The following JAZF1 variants were observed in gnomAD, a reference collection of about 807,000 sequenced individuals.
JAZF1 encodes JAZF zinc finger 1.
In JAZF1, 8 loss-of-function variants were observed where a neutral mutation model predicts 26.4. The observed-to-expected ratio is 0.30, with a 90% CI of 0.18 to 0.55. The LOEUF (loss-of-function observed/expected upper bound fraction) is 0.55, where lower values mean the gene tolerates loss of function less well. Ranked by LOEUF, JAZF1 falls within the 20% of genes least tolerant of loss-of-function variation. The pLI is 0.94. For synonymous variants in JAZF1, 126 were observed against 122.3 expected (o/e 1.03, Z -0.20); for missense variants, 199 against 322.0 (o/e 0.62, Z 2.92).
In JAZF1 at chr7:27,853,466, C is replaced by T. The variant is rs375564875; in HGVS notation, c.386-12599G>A. On this transcript the variant is annotated intron_variant, in intron 3 of 4. Coordinates refer to ENST00000283928, the MANE Select transcript of JAZF1 (RefSeq NM_175061.4). ...CTGAGTGAGCGTGTGGGTGGCCCTG[C>T]GACGGGAGGGTGTCCTGTCCAGAGT... Among the ~76,000 whole-genome samples, 19 of 152,216 alleles carry T rather than the reference C, an allele frequency of 1.2e-4. No individual in the cohort carries two copies. The South Asian group carries it at 1.7e-3, about 13-fold the overall frequency.
intron 3 of JAZF1, among the ~76,000 whole-genome samples, chr7:27,870,801 C>T (rs529157321): frequency 3.3e-5 from 5 of 152,262 alleles, no homozygotes; most frequent in Non-Finnish European, 5.9e-5. Context: ...AGATGCTGCT[C>T]GGGAGGCTGC....
At chr7:28,138,655 A>G (rs1278462252) in intron 1 of JAZF1, among the ~76,000 whole-genome samples, 1 of 152,202 alleles carries the variant, frequency 6.6e-6, no homozygotes, top group African/African-American at 2.4e-5. Flanking sequence ...TCTGTGAAGA[A>G]TATTTGCCAC....
chr7:28,028,302 G>A (rs1783126750), intron 1 of JAZF1, among the ~76,000 whole-genome samples: 1 of 152,168 alleles, frequency 6.6e-6, no homozygotes, highest in Non-Finnish European at 1.5e-5. Flanking sequence ...GTTTAAGGGG[G>A]AGGATTTTGA....
intron 1 of JAZF1, among the ~76,000 whole-genome samples, chr7:28,158,186 C>CACAGAGAGAGAGAG (rs149643430): frequency 7.0e-6 from 1 of 143,346 alleles, no homozygotes; most frequent in Non-Finnish European, 1.5e-5. Flanking sequence ...CACACACACA[C>CACAGAGAGAGAGAG]AGAGAGAGAG....
At chr7:27,841,358 T>G (rs1283174920) in intron 3 of JAZF1, 1 of 152,806 alleles carries the variant, frequency 6.5e-6, no homozygotes, top group Non-Finnish European at 1.5e-5. Context: ...AAGGCATTTC[T>G]ACTTCAGTGG....
At chr7:28,135,064 G>A (rs938075188) in intron 1 of JAZF1, among the ~76,000 whole-genome samples, 3 of 152,208 alleles carry the variant, frequency 2.0e-5, no homozygotes, top group African/African-American at 7.2e-5. Context: ...TGATAACTGG[G>A]TGATTGTAGG....
intron 2 of JAZF1, among the ~76,000 whole-genome samples, chr7:27,944,907 A>G (rs1203037770): frequency 6.6e-6 from 1 of 152,094 alleles, no homozygotes; most frequent in Non-Finnish European, 1.5e-5. Flanking sequence ...CCCTTGCCTA[A>G]TTTCTATTTC....
At chr7:27,859,891 T>G (rs1290287058) in intron 3 of JAZF1, among the ~76,000 whole-genome samples, 1 of 152,126 alleles carries the variant, frequency 6.6e-6, no homozygotes, top group African/African-American at 2.4e-5. Flanking sequence ...GAATACAAAT[T>G]ATCAAATAAA....
intron 1 of JAZF1, among the ~76,000 whole-genome samples, chr7:28,151,179 C>G (rs1783107537): frequency 6.6e-6 from 1 of 151,770 alleles, no homozygotes. Flanking sequence ...TCTCAGCTCA[C>G]TGCAACCTCC....
chr7:28,149,909 T>C (rs1453977759), intron 1 of JAZF1, among the ~76,000 whole-genome samples: 1 of 152,228 alleles, frequency 6.6e-6, no homozygotes, highest in Admixed American at 6.5e-5. Flanking sequence ...GGAAAGTCCC[T>C]TCTGGCAGGA....
intron 1 of JAZF1, among the ~76,000 whole-genome samples, chr7:28,143,571 G>C (rs1246654095): frequency 6.6e-6 from 1 of 152,186 alleles, no homozygotes; most frequent in Non-Finnish European, 1.5e-5. Context: ...AGTATTCACG[G>C]AAGGAATTAA....
intron 3 of JAZF1, among the ~76,000 whole-genome samples, chr7:27,850,295 T>C (rs1358367143): frequency 6.6e-6 from 1 of 152,214 alleles, no homozygotes; most frequent in Non-Finnish European, 1.5e-5. Context: ...GAAAGACACA[T>C]TAATGGCTCT....
chr7:27,917,037 G>C (rs1784453305), intron 2 of JAZF1, among the ~76,000 whole-genome samples: 1 of 152,150 alleles, frequency 6.6e-6, no homozygotes, highest in African/African-American at 2.4e-5. Context: ...CCGGGAGCTG[G>C]AGACCAGCCT....
Position 27,988,810 on chromosome 7 carries a change from C to T in JAZF1, c.188+3099G>A, listed in dbSNP as rs547171457. Among the ~76,000 whole-genome samples, 29 of 149,862 alleles carry T rather than the reference C, an allele frequency of 1.9e-4. No homozygotes were observed. In the East Asian group the frequency reaches 2.5e-3, roughly 13 times the overall value. Reference sequence around the variant, plus strand: ...CAACTTTATAAAAATACATGGAACACGCATGTTTCAAGTGTGGAAAGAACA... The same window carrying T: ...CAACTTTATAAAAATACATGGAACATGCATGTTTCAAGTGTGGAAAGAACA... On this transcript the variant is annotated intron_variant, in intron 2 of 4. Coordinates refer to ENST00000283928, the MANE Select transcript of JAZF1 (RefSeq NM_175061.4).
intron 1 of JAZF1, among the ~76,000 whole-genome samples, chr7:28,032,252 C>A (rs1406511961): frequency 6.6e-6 from 1 of 152,160 alleles, no homozygotes; most frequent in Non-Finnish European, 1.5e-5. Context: ...ACTGTGAAAT[C>A]TGCATAAGAA....
At chr7:28,068,948 T>C (rs114096422) in intron 1 of JAZF1, among the ~76,000 whole-genome samples, 177 of 152,328 alleles carry the variant, frequency 1.2e-3, no homozygotes, top group African/African-American at 4.1e-3. Flanking sequence ...ATAGCAACCA[T>C]ACATGACTGA....
At chr7:28,101,190 T>C (rs77075749) in intron 1 of JAZF1, among the ~76,000 whole-genome samples, 2,661 of 152,310 alleles carry the variant, frequency 0.017, 81 homozygotes, top group African/African-American at 0.061. Flanking sequence ...TCGTGCCACA[T>C]TAATTTTGTA....
At chr7:27,902,108 TTATTG>T (rs1784171720) in intron 2 of JAZF1, among the ~76,000 whole-genome samples, 1 of 152,206 alleles carries the variant, frequency 6.6e-6, no homozygotes, top group Non-Finnish European at 1.5e-5. Flanking sequence ...CTTACAGATT[TTATTG>T]TATTTACTGA....
At chr7:28,003,708 A>T (rs546649156) in intron 1 of JAZF1, among the ~76,000 whole-genome samples, 5 of 151,686 alleles carry the variant, frequency 3.3e-5, no homozygotes, top group Non-Finnish European at 4.4e-5. Context: ...ACCTGCCAAA[A>T]TTTTTTTTTC....
Sources: gnomAD v4.1 joint callset for allele counts (sites outside exome capture counted in the v4.1 genomes callset) on GRCh38, gnomAD v4.1.1 for gene constraint, MANE v1.5 for transcripts, NCBI Gene and HGNC (gene_info 2026-07-23, HGNC 2026-07-21) for gene names.